PTPRZ1: variants seen among roughly 807,000 people sequenced by gnomAD.
PTPRZ1 encodes the protein receptor-type tyrosine-protein phosphatase zeta.
Under a neutral mutation model 214.1 loss-of-function variants are expected in PTPRZ1, and 82 were observed. That is an observed-to-expected ratio of 0.38 (90% confidence interval 0.32 to 0.46). PTPRZ1 has a LOEUF of 0.46. PTPRZ1 is among the 20% of genes least tolerant of loss of function. The pLI is 1.00. For missense variants in PTPRZ1, 2,603 were observed against 2,748.7 expected (o/e 0.95, Z 1.19); for synonymous variants, 945 against 987.9 (o/e 0.96, Z 0.81).
chr7:122,057,991 C>CAT (rs1249985425), intron 27 of PTPRZ1, among the ~76,000 whole-genome samples: 8 of 147,982 alleles, frequency 5.4e-5, no homozygotes, highest in South Asian at 2.1e-4. Flanking sequence ...TATATATATA[C>CAT]ATATATATAT....
intron 13 of PTPRZ1, 116 bp downstream of exon 13, chr7:122,019,384 T>A: frequency 1.9e-6 from 2 of 1,040,614 alleles, no homozygotes. Flanking sequence ...GAGCTGCCAT[T>A]AATTTATTCA....
intron 11 of PTPRZ1, among the ~76,000 whole-genome samples, chr7:122,007,452 A>G (rs1211770733): frequency 2.0e-5 from 3 of 152,162 alleles, no homozygotes; most frequent in African/African-American, 4.8e-5. Context: ...TAACTATTGT[A>G]TTAATAATAT....
chr7:122,014,874 T>C (rs1393203820), intron 12 of PTPRZ1, among the ~76,000 whole-genome samples: 2 of 152,216 alleles, frequency 1.3e-5, no homozygotes, highest in Non-Finnish European at 2.9e-5. Flanking sequence ...GTGTAAACCA[T>C]CAAAATACAT....
intron 29 of PTPRZ1, 132 bp from the exon 30 acceptor site, chr7:122,060,948 G>A (rs1356805164): frequency 2.7e-6 from 2 of 754,024 alleles, no homozygotes; most frequent in Non-Finnish European, 3.8e-6. Context: ...CATCTGCTGA[G>A]TATAACAGTG....
chr7:122,045,912 A>T (rs1037168856), intron 23 of PTPRZ1, among the ~76,000 whole-genome samples: 5 of 152,030 alleles, frequency 3.3e-5, no homozygotes, highest in Non-Finnish European at 7.4e-5. Flanking sequence ...ATTTGTGTGT[A>T]TGTGTGTGTA....
At chr7:121,954,577 A>G (rs1378196939) in intron 2 of PTPRZ1, among the ~76,000 whole-genome samples, 1 of 152,160 alleles carries the variant, frequency 6.6e-6, no homozygotes, top group Non-Finnish European at 1.5e-5. Context: ...GGAATACCCT[A>G]TGCATATTTC....
In PTPRZ1 at chr7:122,040,863, C is replaced by T. The variant is rs1171242458; in HGVS notation, c.5685C>T (p.His1895=). 1 of 1,604,552 alleles carries T rather than the reference C, an allele frequency of 6.2e-7. No individual in the cohort carries two copies. Among genetic ancestry groups the T allele is most frequent in the Admixed American group, 1.7e-5 (1 of 59,468 alleles). Residue 1895 remains histidine, a synonymous_variant, in exon 21 of 30, where the codon CAC becomes CAT. Transcript: ENST00000393386. ...RPSGRVVTQY[H]YTQWPDMGVP... ...GTGGACGTGTGGTCACACAGTATCACTACACGCAGTGGCCTGACATGGGAG... is the reference window on the plus strand; with the variant it reads ...GTGGACGTGTGGTCACACAGTATCATTACACGCAGTGGCCTGACATGGGAG...
chr7:121,914,054 C>T (rs779177929), intron 1 of PTPRZ1, among the ~76,000 whole-genome samples: 1 of 152,112 alleles, frequency 6.6e-6, no homozygotes, highest in Non-Finnish European at 1.5e-5. Context: ...TGGCTCATGC[C>T]TCTGATCCCA....
intron 2 of PTPRZ1, among the ~76,000 whole-genome samples, chr7:121,960,003 T>C (rs942946235): frequency 2.6e-5 from 4 of 152,150 alleles, no homozygotes; most frequent in African/African-American, 4.8e-5. Context: ...ATTACACTTA[T>C]TTTGCCTTTT....
Position 122,012,095 on chromosome 7 carries a change from A to C in PTPRZ1, c.3049A>C (p.Asn1017His), listed in dbSNP as rs200198642. The change falls in exon 12 of 30, where the codon AAC becomes CAC. Residue 1017 changes from asparagine (N) to histidine (H), a missense_variant. By Grantham distance (68) the Asn-to-His change is moderately conservative (BLOSUM62 1). Transcript: ENST00000393386. ...LPDTDGLTAL[N>H]ISSPVSVAEF... ...TGACACAGATGGGCTGACAGCCCTT[A>C]ACATTTCTTCACCTGTTTCTGTAGC... 30 of 1,614,040 alleles carry C rather than the reference A, an allele frequency of 1.9e-5. No individual in the cohort carries two copies. Among genetic ancestry groups the C allele is most frequent in the Non-Finnish European group, 2.5e-5 (29 of 1,179,870 alleles).
chr7:121,967,663 G>C lies in PTPRZ1; in HGVS notation c.125-288G>C, dbSNP rs144596401. Among the ~76,000 whole-genome samples, 5 of 152,274 alleles carry C rather than the reference G, an allele frequency of 3.3e-5. No homozygotes were observed. The South Asian group carries it at 8.3e-4, about 25-fold the overall frequency. The stretch of plus-strand genomic sequence containing the variant: ...AAAAGTTAGTTCTCATTGACTCCCT[G>C]ATCACAAAAAGAAGATGTTGTAGAC... On this transcript the variant is annotated intron_variant, in intron 2 of 29. Coordinates refer to ENST00000393386, the MANE Select transcript of PTPRZ1 (RefSeq NM_002851.3).
Position 121,997,903 on chromosome 7 carries a change from A to G in PTPRZ1, c.1137A>G (p.Leu379=), listed in dbSNP as rs1286738616. 6.2e-7 allele frequency: 1 copy of G among 1,608,886 alleles called. No individual in the cohort carries two copies. Among genetic ancestry groups the G allele is most frequent in the Non-Finnish European group, 8.5e-7 (1 of 1,176,010 alleles). The change falls in exon 10 of 30, where the codon CTA becomes CTG. Residue 379 remains leucine (L), a synonymous_variant. Transcript: ENST00000393386. The stretch of plus-strand genomic sequence containing the variant: ...AGGGTGCTATTCTCAATAATTTGCT[A>G]CCCAATATGAGTTATGTTCTTCAGA... ...QDLGAILNNL[L]PNMSYVLQIV...
At chr7:121,978,907 TC>T (rs1797520421) in intron 6 of PTPRZ1, among the ~76,000 whole-genome samples, 1 of 151,966 alleles carries the variant, frequency 6.6e-6, no homozygotes, top group Non-Finnish European at 1.5e-5. Flanking sequence ...CTCTAGAAAA[TC>T]CCCTACTGCC....
chr7:122,061,378 A>G lies in PTPRZ1; in HGVS notation c.*158A>G, dbSNP rs936511730. 2.1e-5 allele frequency: 11 copies of G among 536,370 alleles called. No homozygotes were observed. Among genetic ancestry groups the G allele is most frequent in the Non-Finnish European group, 2.9e-5 (10 of 348,302 alleles). 33.2% of individuals were successfully genotyped at this position (536,370 alleles called of 1,614,324 possible). A position where few individuals can be genotyped will look rare whatever the true frequency, so the allele number is the denominator to read the frequency against. ...TGCCGCCAAATTTATATCATTAACA[A>G]TGTGTGCCTTTTTGCAAGACTTGTA... On this transcript the variant is annotated 3_prime_UTR_variant, in exon 30 of 30. Coordinates refer to ENST00000393386, the MANE Select transcript of PTPRZ1 (RefSeq NM_002851.3).
intron 2 of PTPRZ1, 142 bp downstream of exon 2, chr7:121,928,363 T>C: frequency 1.8e-6 from 1 of 544,044 alleles, no homozygotes; most frequent in South Asian, 3.3e-5. Context: ...AATAGATATA[T>C]AAAATATAAA....
intron 14 of PTPRZ1, among the ~76,000 whole-genome samples, chr7:122,030,059 T>G (rs971630921): frequency 4.0e-5 from 6 of 151,894 alleles, no homozygotes; most frequent in African/African-American, 1.4e-4. Flanking sequence ...AACTAAAATT[T>G]TATCCAAAGT....
intron 1 of PTPRZ1, among the ~76,000 whole-genome samples, chr7:121,911,261 T>G (rs1795267696): frequency 6.6e-6 from 1 of 152,152 alleles, no homozygotes; most frequent in Non-Finnish European, 1.5e-5. Flanking sequence ...AAGTTTGATT[T>G]GAAAATAAAT....
chr7:122,051,847 T>C lies in PTPRZ1; in HGVS notation c.6179-19T>C. The C allele has an allele frequency of 6.2e-7, 1 of 1,608,410 alleles. No individual in the cohort carries two copies. ...TGTTTTGTTTTGTTTTGTTTTACAA[T>C]GAATGTTCTGTGTTCCAGTGGAAAG... On this transcript the variant is annotated intron_variant, in intron 24 of 29. Coordinates refer to ENST00000393386, the MANE Select transcript of PTPRZ1 (RefSeq NM_002851.3).
Position 121,881,584 on chromosome 7 carries a change from G to A in PTPRZ1, c.58+8027G>A, listed in dbSNP as rs532949356. On this transcript the variant is annotated intron_variant, in intron 1 of 29. Transcript: ENST00000393386. ...TGGAGATATTTGCAGGTCTTATGCT[G>A]TCCTAAAACAAAGCTAGTGCCACAA... Among the ~76,000 whole-genome samples the A allele has an allele frequency of 3.3e-5, 5 of 152,304 alleles. No homozygotes were observed. The South Asian group carries it at 1.0e-3, about 32-fold the overall frequency.
Sources: allele counts gnomAD v4.1 joint callset (sites outside exome capture counted in the v4.1 genomes callset), GRCh38; gene constraint gnomAD v4.1.1; transcripts MANE v1.5; gene names NCBI Gene and HGNC (gene_info 2026-07-23, HGNC 2026-07-21).